The following ANXA5 variants were observed in gnomAD, a reference collection of about 807,000 sequenced individuals.
ANXA5 encodes CBP-I.
ANXA5 carries 40 observed loss-of-function variants against 48.1 expected under a neutral mutation model. The ratio of observed to expected loss-of-function variants is 0.83; its 90% CI spans 0.65 to 1.08. ANXA5 has a LOEUF of 1.08. Among genes scored for constraint, ANXA5 ranks in the 50% least tolerant of loss-of-function variants. The probability of loss-of-function intolerance (pLI) is 0.00; values close to 1 mark genes in which losing one functional copy is unlikely to be tolerated. For synonymous variants in ANXA5, 113 were observed against 129.1 expected, an observed-to-expected ratio of 0.88 and a Z score of 0.85; for missense variants, 357 against 376.8, an observed-to-expected ratio of 0.95 and a Z score of 0.44.
At chr4:121,677,988 G>T in intron 7 of ANXA5, 38 bp from the exon 8 acceptor site, 7 of 1,550,260 alleles carry the variant, frequency 4.5e-6, no homozygotes, top group Non-Finnish European at 6.2e-6. Flanking sequence ...GAACTATAGA[G>T]CATTCTCATT....
intron 2 of ANXA5, among the ~76,000 whole-genome samples, chr4:121,693,459 A>G (rs1281762752): frequency 6.6e-6 from 1 of 152,200 alleles, no homozygotes; most frequent in Non-Finnish European, 1.5e-5. Flanking sequence ...TATATGAATA[A>G]AATGTATTTC....
chr4:121,674,907 A>C (rs1325392768), intron 8 of ANXA5, among the ~76,000 whole-genome samples: 1 of 152,184 alleles, frequency 6.6e-6, no homozygotes, highest in Non-Finnish European at 1.5e-5. Flanking sequence ...CTTTGGAGTC[A>C]AAACAGATGT....
At chr4:121,672,243 G>A (rs766030956) in intron 9 of ANXA5, among the ~76,000 whole-genome samples, 2 of 152,166 alleles carry the variant, frequency 1.3e-5, no homozygotes, top group Non-Finnish European at 2.9e-5. Flanking sequence ...GAGGAAATAC[G>A]TGTAGTGAGC....
intron 3 of ANXA5, 130 bp from the exon 4 acceptor site, chr4:121,684,901 C>T: frequency 3.0e-6 from 2 of 660,938 alleles, no homozygotes; most frequent in Non-Finnish European, 5.1e-6. Flanking sequence ...TATTTTATGG[C>T]CGGCGCAGTG....
chr4:121,675,268 T>C (rs1417031635), intron 8 of ANXA5, among the ~76,000 whole-genome samples: 1 of 152,210 alleles, frequency 6.6e-6, no homozygotes, highest in Non-Finnish European at 1.5e-5. Flanking sequence ...CTATGGCTTA[T>C]CAAACCTCTC....
chr4:121,694,911 T>G (rs28493177), intron 2 of ANXA5, among the ~76,000 whole-genome samples: 1 of 152,204 alleles, frequency 6.6e-6, no homozygotes, highest in African/African-American at 2.4e-5. Flanking sequence ...TCTATACACA[T>G]GGCCTTTATG....
chr4:121,690,314 G>A lies in ANXA5; in HGVS notation c.10-3942C>T, dbSNP rs191808060. Among the ~76,000 whole-genome samples the A allele has an allele frequency of 8.3e-4, 127 of 152,250 alleles. 2 individuals are homozygous for A. The Middle Eastern group carries it at 0.031, about 37-fold the overall frequency. ...CATGAAGCTACACTGTACTCCTAAAGGCAAGAAGAAAATCCAAGGAGGGTG... is the reference window on the plus strand; with the variant it reads ...CATGAAGCTACACTGTACTCCTAAAAGCAAGAAGAAAATCCAAGGAGGGTG... On this transcript the variant is annotated intron_variant, in intron 2 of 12. Coordinates refer to ENST00000296511, the MANE Select transcript of ANXA5 (RefSeq NM_001154.4).
intron 8 of ANXA5, among the ~76,000 whole-genome samples, chr4:121,676,066 T>C (rs114849867): frequency 1.1e-3 from 163 of 152,196 alleles, no homozygotes; most frequent in African/African-American, 3.7e-3. Context: ...CCTGAAAAGC[T>C]CCCAGAACTC....
intron 3 of ANXA5, among the ~76,000 whole-genome samples, chr4:121,685,030 A>ATACG (rs1724858996): frequency 7.9e-6 from 1 of 126,698 alleles, no homozygotes; most frequent in African/African-American, 3.2e-5. Flanking sequence ...AAAAAAAAAA[A>ATACG]TATGTATATA....
At chr4:121,677,001 TTC>T (rs775752399) in intron 8 of ANXA5, among the ~76,000 whole-genome samples, 3 of 152,122 alleles carry the variant, frequency 2.0e-5, no homozygotes, top group Non-Finnish European at 4.4e-5. Context: ...AAACATTCAG[TTC>T]TTTTTTTCTC....
At chr4:121,693,410 AAC>A (rs1725021675) in intron 2 of ANXA5, among the ~76,000 whole-genome samples, 1 of 152,228 alleles carries the variant, frequency 6.6e-6, no homozygotes, top group Admixed American at 6.5e-5. Context: ...ATTTTTAAAA[AAC>A]AGATGCATTT....
At chr4:121,694,328 A>C (rs1175590695) in intron 2 of ANXA5, among the ~76,000 whole-genome samples, 6 of 152,136 alleles carry the variant, frequency 3.9e-5, no homozygotes, top group Non-Finnish European at 8.8e-5. Flanking sequence ...ATGAACAATT[A>C]CGTAGCCTAG....
rs1724612301 is a variant in ANXA5 at position 121,671,534 on chromosome 4, G to A, written c.721+13C>T. ...TTACCACCAAAAATATCAATACATTGTAAATCACCTACCAACAGCAAGGAG... is the reference window on the plus strand; with the variant it reads ...TTACCACCAAAAATATCAATACATTATAAATCACCTACCAACAGCAAGGAG... On this transcript the variant is annotated intron_variant, in intron 10 of 12. Coordinates refer to ENST00000296511, the MANE Select transcript of ANXA5 (RefSeq NM_001154.4). 1 of 1,591,156 alleles carries A rather than the reference G, an allele frequency of 6.3e-7. No individual in the cohort carries two copies. The highest frequency in any genetic ancestry group is 1.3e-5 in the African/African-American group (1 of 74,408).
At chr4:121,695,374 T>C (rs932419766) in intron 2 of ANXA5, among the ~76,000 whole-genome samples, 3 of 152,228 alleles carry the variant, frequency 2.0e-5, no homozygotes, top group African/African-American at 2.4e-5. Flanking sequence ...AAGAAACCTT[T>C]TTCAATTTTG....
intron 10 of ANXA5, among the ~76,000 whole-genome samples, chr4:121,670,676 T>G (rs1479462204): frequency 6.6e-6 from 1 of 152,156 alleles, no homozygotes; most frequent in African/African-American, 2.4e-5. Flanking sequence ...ATGTGGAGAT[T>G]TCTTAATTCT....
intron 2 of ANXA5, among the ~76,000 whole-genome samples, chr4:121,690,672 C>T (rs1724968685): frequency 6.6e-6 from 1 of 152,034 alleles, no homozygotes; most frequent in African/African-American, 2.4e-5. Context: ...ACAGAAGAGA[C>T]ATGAGGGATT....
intron 2 of ANXA5, among the ~76,000 whole-genome samples, chr4:121,688,587 A>T (rs1724931732): frequency 6.6e-6 from 1 of 152,188 alleles, no homozygotes; most frequent in African/African-American, 2.4e-5. Flanking sequence ...CTTCAACTGT[A>T]GTCCTTACCC....
At position 121,696,873 on chromosome 4, in the gene ANXA5, G is replaced by C. The variant is rs1725094257; in HGVS notation, c.-46C>G. 3.0e-6 allele frequency: 1 copy of C among 329,240 alleles called. No homozygotes were observed. The highest frequency in any genetic ancestry group is 2.1e-5 in the African/African-American group (1 of 46,976). 20.4% of individuals were successfully genotyped at this position (329,240 alleles called of 1,614,324 possible). On this transcript the variant is annotated 5_prime_UTR_variant, in exon 1 of 13. Coordinates refer to ENST00000296511, the MANE Select transcript of ANXA5 (RefSeq NM_001154.4). The stretch of plus-strand genomic sequence containing the variant: ...GCTGCGACCACTCACCCAGACTGTG[G>C]GACCCAAGTGCCCCGAAACCCCGGG...
chr4:121,695,395 C>A lies in ANXA5; in HGVS notation c.9+1186G>T, dbSNP rs1725062148. On this transcript the variant is annotated intron_variant, in intron 2 of 12. Coordinates refer to ENST00000296511, the MANE Select transcript of ANXA5 (RefSeq NM_001154.4). Reference sequence around the variant, plus strand: ...CCTTTTTCAATTTTGATAAGTCAATCTGATAAAAAGTGAACTATAAATAAG... The same window carrying A: ...CCTTTTTCAATTTTGATAAGTCAATATGATAAAAAGTGAACTATAAATAAG... Among the ~76,000 whole-genome samples, 3 of 152,120 alleles carry A rather than the reference C, an allele frequency of 2.0e-5. No homozygotes were observed. In the South Asian group the frequency reaches 6.2e-4, roughly 32 times the overall value.
Sources: allele counts gnomAD v4.1 joint callset (sites outside exome capture counted in the v4.1 genomes callset), GRCh38; gene constraint gnomAD v4.1.1; transcripts MANE v1.5; gene names NCBI Gene and HGNC (gene_info 2026-07-23, HGNC 2026-07-21).